The following LAMTOR3 variants were observed in gnomAD, a reference collection of about 807,000 sequenced individuals.
The protein encoded by LAMTOR3 is ragulator complex protein LAMTOR3.
Under a neutral mutation model 20.3 loss-of-function variants are expected in LAMTOR3, and 14 were observed. The ratio of observed to expected loss-of-function variants is 0.69; its 90% confidence interval spans 0.46 to 1.08. The LOEUF (loss-of-function observed/expected upper bound fraction) is 1.08, where lower values mean the gene tolerates loss of function less well. Ranked by LOEUF, LAMTOR3 falls within the 50% of genes least tolerant of loss-of-function variation. The pLI is 0.00. For missense variants in LAMTOR3, 125 were observed against 143.7 expected (o/e 0.87, Z 0.67); for synonymous variants, 40 against 49.4 (o/e 0.81, Z 0.80).
chr4:99,892,019 A>C lies in LAMTOR3; in HGVS notation c.25T>G (p.Leu9Val). 1 of 1,572,558 alleles carries C rather than the reference A, an allele frequency of 6.4e-7. No homozygotes were observed. The highest frequency in any genetic ancestry group is 8.6e-7 in the Non-Finnish European group (1 of 1,165,572). The change falls in exon 3 of 7, where the codon TTG (leucine) becomes GTG (valine). Residue 9 changes from leucine to valine, a missense_variant. Leu to Val is a conservative substitution (Grantham distance 32, BLOSUM62 1). Transcript: ENST00000499666. Reference protein sequence around the residue: MADDLKRFLYKKLPSVEGL... With the variant: MADDLKRFVYKKLPSVEGL... The stretch of plus-strand genomic sequence containing the variant: ...TCTTACCTTGGTAACTTTTTATACA[A>C]GAATCGCTTTAGGTCCTGAAAGAGA...
chr4:99,888,591 A>G (rs973342420), intron 3 of LAMTOR3, among the ~76,000 whole-genome samples: 3 of 152,212 alleles, frequency 2.0e-5, no homozygotes, highest in Admixed American at 6.5e-5. Flanking sequence ...ATGTCCCTAC[A>G]GCAACCCGGA....
rs1724823105 is a variant in LAMTOR3, at chr4:99,881,304, A to G, written c.*690T>C. ...ACTAACATTGGAAACAGAATAACGA[A>G]TTGTATTTAAATTTTATGAAGAACA... On this transcript the variant is annotated 3_prime_UTR_variant, in exon 7 of 7. Transcript: ENST00000499666. The G allele has an allele frequency of 6.6e-6, 1 of 152,234 alleles. No homozygotes were observed. The highest frequency in any genetic ancestry group is 1.5e-5 in the Non-Finnish European group (1 of 68,040). 9.4% of individuals were successfully genotyped at this position (152,234 alleles called of 1,614,324 possible). A position where few individuals can be genotyped will look rare whatever the true frequency, so the allele number is the denominator to read the frequency against.
chr4:99,880,913 C>G lies in LAMTOR3; in HGVS notation c.*1081G>C, dbSNP rs762017575. 6 of 152,214 alleles carry G rather than the reference C, an allele frequency of 3.9e-5. No individual in the cohort carries two copies. The highest frequency in any genetic ancestry group is 8.8e-5 in the Non-Finnish European group (6 of 68,040). The allele number at this position is 152,214 out of a possible 1,614,324, so 9.4% of individuals were successfully genotyped here. A position where few individuals can be genotyped will look rare whatever the true frequency, so the allele number is the denominator to read the frequency against. The stretch of plus-strand genomic sequence containing the variant: ...GGTATATTCTAGAACTGTAGTACCT[C>G]TTTCATGGAGATTAAATTAGGTTCA... On this transcript the variant is annotated 3_prime_UTR_variant, in exon 7 of 7. Transcript: ENST00000499666.
rs1321848297 is a variant in LAMTOR3 at position 99,887,266 on chromosome 4, A to C, written c.103+30T>G. 11 of 1,421,182 alleles carry C rather than the reference A, an allele frequency of 7.7e-6. No homozygotes were observed. The South Asian group carries it at 9.2e-5, about 12-fold the overall frequency. 88.0% of individuals were successfully genotyped at this position (1,421,182 alleles called of 1,614,324 possible). A position where few individuals can be genotyped will look rare whatever the true frequency, so the allele number is the denominator to read the frequency against. On this transcript the variant is annotated intron_variant, in intron 4 of 6. Coordinates refer to ENST00000499666, the MANE Select transcript of LAMTOR3 (RefSeq NM_021970.4). Reference sequence around the variant, plus strand: ...ACACATTTTTAGTCAAAAGCAAAGAAGACATTTGCATTTAAATGTTCAGTT... The same window carrying C: ...ACACATTTTTAGTCAAAAGCAAAGACGACATTTGCATTTAAATGTTCAGTT...
In LAMTOR3 at chr4:99,881,510, T is replaced by C. The variant is rs1363684463; in HGVS notation, c.*484A>G. ...AAGTTAGTGATTGTACTGATTTTATTACTTTTACCAAGCCATTTTATGTTC... is the reference window on the plus strand; with the variant it reads ...AAGTTAGTGATTGTACTGATTTTATCACTTTTACCAAGCCATTTTATGTTC... On this transcript the variant is annotated 3_prime_UTR_variant, in exon 7 of 7. Coordinates refer to ENST00000499666, the MANE Select transcript of LAMTOR3 (RefSeq NM_021970.4). 1 of 153,664 alleles carries C rather than the reference T, an allele frequency of 6.5e-6. No homozygotes were observed. The highest frequency in any genetic ancestry group is 1.4e-5 in the Non-Finnish European group (1 of 68,988). 9.5% of individuals were successfully genotyped at this position (153,664 alleles called of 1,614,324 possible). A position where few individuals can be genotyped will look rare whatever the true frequency, so the allele number is the denominator to read the frequency against.
chr4:99,882,962 TTCTC>T (rs1372571246), intron 6 of LAMTOR3, among the ~76,000 whole-genome samples: 1 of 152,010 alleles, frequency 6.6e-6, no homozygotes, highest in Non-Finnish European at 1.5e-5. Flanking sequence ...ATAAAGATCT[TTCTC>T]TGTCTTATAG....
Position 99,882,079 on chromosome 4 carries a change from A to G in LAMTOR3, c.302-12T>C, listed in dbSNP as rs767095415. The G allele has an allele frequency of 2.0e-6, 3 of 1,524,710 alleles. No individual in the cohort carries two copies. The highest frequency in any genetic ancestry group is 2.7e-6 in the Non-Finnish European group (3 of 1,125,824). 94.4% of individuals were successfully genotyped at this position (1,524,710 alleles called of 1,614,324 possible). A position where few individuals can be genotyped will look rare whatever the true frequency, so the allele number is the denominator to read the frequency against. ...GCTGACAATTAGTCCTAAAATAAAG[A>G]GATTAAGAAAATTACATGTTAGAAA... On this transcript the variant is annotated splice_polypyrimidine_tract_variant and intron_variant, in intron 6 of 6. Transcript: ENST00000499666.
intron 3 of LAMTOR3, among the ~76,000 whole-genome samples, chr4:99,890,936 C>T (rs1347290214): frequency 6.6e-6 from 1 of 152,140 alleles, no homozygotes; most frequent in Non-Finnish European, 1.5e-5. Flanking sequence ...TTTGAGAGCA[C>T]ACTTAATAGT....
rs1292849764 is a variant in LAMTOR3 at position 99,879,117 on chromosome 4, T to A, written c.*2877A>T. On this transcript the variant is annotated 3_prime_UTR_variant, in exon 7 of 7. Transcript: ENST00000499666. ...TAGCAGGCATAGAGAATGCCTGCCCTACTTATTGAATAATCCTTTTCCCAT... is the reference window on the plus strand; with the variant it reads ...TAGCAGGCATAGAGAATGCCTGCCCAACTTATTGAATAATCCTTTTCCCAT... 3 of 152,210 alleles carry A rather than the reference T, an allele frequency of 2.0e-5. No individual in the cohort carries two copies. Among genetic ancestry groups the A allele is most frequent in the Non-Finnish European group, 2.9e-5 (2 of 68,030 alleles). The allele number at this position is 152,210 out of a possible 1,614,324, so 9.4% of individuals were successfully genotyped here. A position where few individuals can be genotyped will look rare whatever the true frequency, so the allele number is the denominator to read the frequency against.
chr4:99,885,625 T>G lies in LAMTOR3; in HGVS notation c.154A>C (p.Thr52Pro). 1 of 1,613,516 alleles carries G rather than the reference T, an allele frequency of 6.2e-7. No homozygotes were observed. Among genetic ancestry groups the G allele is most frequent in the African/African-American group, 1.3e-5 (1 of 75,008 alleles). ...EHALRPGFLS[T>P]FALATDQGSK... ...CCTTGGTCTGTTGCAAGGGCAAAAG[T>G]GGATAAGAAACCAGGTCGCAAAGCA... The change falls in exon 5 of 7, where the codon ACT (threonine) becomes CCT (proline). Residue 52 changes from threonine (T) to proline (P), a missense_variant. By Grantham distance (38) the Thr-to-Pro change is conservative. Transcript: ENST00000499666.
At chr4:99,886,726 T>C (rs548651091) in intron 4 of LAMTOR3, among the ~76,000 whole-genome samples, 1 of 152,310 alleles carries the variant, frequency 6.6e-6, no homozygotes, top group South Asian at 2.1e-4. Context: ...TTATCCAATC[T>C]TTAATCTTTG....
chr4:99,892,008 C>CT lies in LAMTOR3; in HGVS notation c.35dup (p.Leu13ValfsTer5), dbSNP rs1725030997. On this transcript the variant is annotated frameshift_variant, in exon 3 of 7. Transcript: ENST00000499666. LOFTEE classifies it high-confidence loss of function. ...AATTAAAAATTTCTTACCTTGGTAA[C>CT]TTTTTATACAAGAATCGCTTTAGGT... The CT allele has an allele frequency of 6.4e-7, 1 of 1,569,584 alleles. No individual in the cohort carries two copies. The highest frequency in any genetic ancestry group is 8.6e-7 in the Non-Finnish European group (1 of 1,164,354).
At chr4:99,885,812 A>G (rs1724913695) in intron 4 of LAMTOR3, 137 bp from the exon 5 acceptor site, 2 of 696,200 alleles carry the variant, frequency 2.9e-6, no homozygotes, top group Non-Finnish European at 4.7e-6. Context: ...CATATCACTA[A>G]TGGGGTCTCA....
chr4:99,892,000 C>G lies in LAMTOR3; in HGVS notation c.44G>C (p.Ser15Thr). The G allele has an allele frequency of 6.4e-7, 1 of 1,566,526 alleles. No homozygotes were observed. The highest frequency in any genetic ancestry group is 1.4e-5 in the African/African-American group (1 of 71,380). ...LKRFLYKKLP[S>T]VEGLHAIVVS... ...CAATAACAAATTAAAAATTTCTTAC[C>G]TTGGTAACTTTTTATACAAGAATCG... Residue 15 changes from serine to threonine, a missense_variant and splice_region_variant, in exon 3 of 7, where the codon AGT becomes ACT. Ser to Thr is a moderately conservative substitution (Grantham distance 58). Around this residue, in one of 3 missense-constraint regions of LAMTOR3, gnomAD observed 99 missense variants for 96.0 expected, o/e 1.03. Transcript: ENST00000499666.
chr4:99,885,558 T>C lies in LAMTOR3; in HGVS notation c.221A>G (p.Tyr74Cys), dbSNP rs1226729133. The change falls in exon 5 of 7, where the codon TAC becomes TGC. Residue 74 changes from tyrosine to cysteine, a missense_variant. Coordinates refer to ENST00000499666, the MANE Select transcript of LAMTOR3 (RefSeq NM_021970.4). Reference sequence around the variant, plus strand: ...TGAACTTACCTGGTAGGTGTTATAGTAACAGATGATACTTTTATTTTTGGA... The same window carrying C: ...TGAACTTACCTGGTAGGTGTTATAGCAACAGATGATACTTTTATTTTTGGA... ...GLSKNKSIIC[Y>C]YNTYQVVQFN... The C allele has an allele frequency of 1.9e-6, 3 of 1,612,146 alleles. No homozygotes were observed. The highest frequency in any genetic ancestry group is 1.1e-5 in the South Asian group (1 of 90,724).
chr4:99,887,358 G>A lies in LAMTOR3; in HGVS notation c.45-4C>T. Reference sequence around the variant, plus strand: ...AATGGCATGGAGCCCTTCAACACTAGAAAAAGAAAATAGTTAAAATATAAA... The same window carrying A: ...AATGGCATGGAGCCCTTCAACACTAAAAAAAGAAAATAGTTAAAATATAAA... On this transcript the variant is annotated splice_region_variant and splice_polypyrimidine_tract_variant and intron_variant, in intron 3 of 6. Coordinates refer to ENST00000499666, the MANE Select transcript of LAMTOR3 (RefSeq NM_021970.4). The A allele has an allele frequency of 7.3e-7, 1 of 1,373,586 alleles. No individual in the cohort carries two copies. 85.1% of individuals were successfully genotyped at this position (1,373,586 alleles called of 1,614,324 possible).
intron 3 of LAMTOR3, among the ~76,000 whole-genome samples, chr4:99,889,632 G>C (rs1032446603): frequency 5.9e-5 from 9 of 152,176 alleles, no homozygotes; most frequent in Admixed American, 3.9e-4. Context: ...ATCTCTGTAG[G>C]TAATGGTGGG....
At chr4:99,888,989 G>A (rs1422263961) in intron 3 of LAMTOR3, among the ~76,000 whole-genome samples, 1 of 152,166 alleles carries the variant, frequency 6.6e-6, no homozygotes, top group Non-Finnish European at 1.5e-5. Flanking sequence ...CAGATCACCT[G>A]AGGTCAGGAG....
chr4:99,878,643 A>G lies in LAMTOR3; in HGVS notation c.*3351T>C, dbSNP rs1724757571. 1 of 152,230 alleles carries G rather than the reference A, an allele frequency of 6.6e-6. No homozygotes were observed. The highest frequency in any genetic ancestry group is 1.5e-5 in the Non-Finnish European group (1 of 68,032). 9.4% of individuals were successfully genotyped at this position (152,230 alleles called of 1,614,324 possible). A position where few individuals can be genotyped will look rare whatever the true frequency, so the allele number is the denominator to read the frequency against. On this transcript the variant is annotated 3_prime_UTR_variant, in exon 7 of 7. Coordinates refer to ENST00000499666, the MANE Select transcript of LAMTOR3 (RefSeq NM_021970.4). ...ATACATCAATTGTAGCATGCCATAC[A>G]GTTTGACACCATGCTTTTCTCAATA...
Sources: allele counts gnomAD v4.1 joint callset (sites outside exome capture counted in the v4.1 genomes callset), GRCh38; gene constraint gnomAD v4.1.1; regional missense constraint gnomAD v4.1.1; transcripts MANE v1.5; gene names NCBI Gene and HGNC (gene_info 2026-07-23, HGNC 2026-07-21).